Variants in COL6A3 observed in about 807,000 individuals in gnomAD.
COL6A3 encodes the protein collagen alpha-3(VI) chain.
Under a neutral mutation model 274.1 loss-of-function variants are expected in COL6A3, and 137 were observed. That is an observed-to-expected ratio of 0.50 (90% CI 0.44 to 0.58). COL6A3 has a LOEUF of 0.58. Among genes scored for constraint, COL6A3 ranks in the 20% least tolerant of loss-of-function variants. The pLI is 0.00. For missense variants in COL6A3, 3,950 were observed against 4,124.9 expected (o/e 0.96, Z 1.16); for synonymous variants, 1,650 against 1,650.6 (o/e 1.00, Z 0.01).
chr2:237,411,764 C>T (rs890448829), intron 1 of COL6A3, among the ~76,000 whole-genome samples: 20 of 152,206 alleles, frequency 1.3e-4, no homozygotes, highest in Admixed American at 2.0e-4. Context: ...GTGCCTACCT[C>T]GTATCAAAAA....
intron 3 of COL6A3, among the ~76,000 whole-genome samples, chr2:237,392,478 T>C (rs2078316012): frequency 6.6e-6 from 1 of 152,158 alleles, no homozygotes; most frequent in African/African-American, 2.4e-5. Context: ...TGCCCCACCA[T>C]CCATGTGTAT....
intron 8 of COL6A3, among the ~76,000 whole-genome samples, chr2:237,372,861 T>C (rs2077729622): frequency 6.6e-6 from 1 of 152,034 alleles, no homozygotes; most frequent in African/African-American, 2.4e-5. Flanking sequence ...GCAATGCATT[T>C]TATCATGGAT....
At chr2:237,357,058 G>A (rs1300703840) in intron 23 of COL6A3, 2 of 528,778 alleles carry the variant, frequency 3.8e-6, no homozygotes, top group Admixed American at 6.4e-5. Flanking sequence ...ATATTTAGTT[G>A]GATCAAACCT....
At position 237,374,863 on chromosome 2, in the gene COL6A3, G is replaced by A. The variant is rs886042997; in HGVS notation, c.3228C>T (p.Thr1076=). ...ATGAATTCAGGTAGAACTCGGGCCT[G>A]GTCCGGTCGCTGTACTGCACCACGG... ...RVAVVQYSDR[T]RPEFYLNSYM... Residue 1076 remains threonine, a synonymous_variant, in exon 8 of 44, where the codon ACC becomes ACT. Coordinates refer to ENST00000295550, the MANE Select transcript of COL6A3 (RefSeq NM_004369.4). The surrounding 1 kb of genome is among the most constrained non-coding windows in gnomAD (Gnocchi z 4.8). 1.9e-6 allele frequency: 3 copies of A among 1,613,912 alleles called. No homozygotes were observed. Among genetic ancestry groups the A allele is most frequent in the East Asian group, 2.2e-5 (1 of 44,846 alleles).
chr2:237,398,380 C>T (rs2078505987), intron 1 of COL6A3, among the ~76,000 whole-genome samples: 1 of 152,196 alleles, frequency 6.6e-6, no homozygotes, highest in South Asian at 2.1e-4. Flanking sequence ...TCAGACCTTT[C>T]CCCTGCCAAC....
chr2:237,394,561 G>C, intron 3 of COL6A3, 26 bp downstream of exon 3: 2 of 1,613,328 alleles, frequency 1.2e-6, no homozygotes, highest in Non-Finnish European at 1.7e-6. Flanking sequence ...GCAGGGCAGG[G>C]CGTAGCTTGG....
chr2:237,330,498 T>TA (rs200875680), intron 42 of COL6A3, among the ~76,000 whole-genome samples: 1 of 152,142 alleles, frequency 6.6e-6, no homozygotes, highest in East Asian at 1.9e-4. Context: ...TGGTTTTATT[T>TA]AAAAAAATAC....
intron 39 of COL6A3, among the ~76,000 whole-genome samples, chr2:237,337,599 C>T (rs1026957348): frequency 3.3e-5 from 5 of 152,234 alleles, no homozygotes; most frequent in East Asian, 1.9e-4. Context: ...GGATCATTTG[C>T]GTTCACATCT....
chr2:237,336,328 G>C lies in COL6A3; in HGVS notation c.8772C>G (p.Ala2924=). The change falls in exon 40 of 44, where the codon GCC becomes GCG. Residue 2924 remains alanine, a synonymous_variant. Transcript: ENST00000295550. ...PAKPVAAKPV[A]TKMATVRPPV... ...GGGGTCTAACAGTGGCCATCTTTGT[G>C]GCCACAGGCTTGGCAGCCACAGGTT... 2 of 1,613,326 alleles carry C rather than the reference G, an allele frequency of 1.2e-6. No homozygotes were observed.
At position 237,366,887 on chromosome 2, in the gene COL6A3, G is replaced by A; in HGVS notation, c.5300C>T (p.Thr1767Ile). 1 of 1,614,218 alleles carries A rather than the reference G, an allele frequency of 6.2e-7. No homozygotes were observed. ...EDAQDVSLAL[T>I]QRGVKVFAVG... is the part of the protein sequence containing the mutation. ...AGCAAACACTTTGACCCCCCTCTGG[G>A]TGAGGGCCAGGCTCACATCCTGTGC... is the stretch of plus-strand genomic sequence containing the variant. Residue 1767 changes from threonine (T) to isoleucine (I), a missense_variant, in exon 11 of 44, where the codon ACC becomes ATC. Around this residue, in one of 5 missense-constraint regions of COL6A3, gnomAD observed 632 missense variants for 623.4 expected, o/e 1.01. Coordinates refer to ENST00000295550, the MANE Select transcript of COL6A3 (RefSeq NM_004369.4).
chr2:237,399,187 C>G (rs1254542613), intron 1 of COL6A3, among the ~76,000 whole-genome samples: 1 of 152,190 alleles, frequency 6.6e-6, no homozygotes, highest in Non-Finnish European at 1.5e-5. Context: ...ATCAAGTTCA[C>G]CAGCCTGAAT....
At chr2:237,334,582 C>G (rs777321940) in intron 41 of COL6A3, 44 bp downstream of exon 41, 13 of 1,602,546 alleles carry the variant, frequency 8.1e-6, no homozygotes, top group South Asian at 1.1e-5. Flanking sequence ...ATTTGATACT[C>G]TACATAGAAA....
At chr2:237,392,952 T>C (rs2078330082) in intron 3 of COL6A3, among the ~76,000 whole-genome samples, 1 of 152,112 alleles carries the variant, frequency 6.6e-6, no homozygotes, top group Admixed American at 6.5e-5. Context: ...ACCAGCAGCG[T>C]CTCCAACTTG....
intron 27 of COL6A3, 34 bp from the exon 28 acceptor site, chr2:237,350,243 C>T (rs752549184): frequency 1.2e-6 from 2 of 1,610,472 alleles, no homozygotes; most frequent in South Asian, 1.1e-5. Flanking sequence ...GACCCTGTGG[C>T]CTGGGGCTGG....
chr2:237,395,201 A>G lies in COL6A3; in HGVS notation c.95T>C (p.Val32Ala). The G allele has an allele frequency of 6.2e-7, 1 of 1,613,170 alleles. No individual in the cohort carries two copies. The highest frequency in any genetic ancestry group is 8.5e-7 in the Non-Finnish European group (1 of 1,179,980). Residue 32 changes from valine (V) to alanine (A), a missense_variant, in exon 3 of 44, where the codon GTC becomes GCC. Physicochemically the swap from Val to Ala is moderately conservative, Grantham distance 64 (BLOSUM62 0). This residue lies in a region of COL6A3 where 1,934 missense variants were observed against 1,984.3 expected (regional missense o/e 0.97). Transcript: ENST00000295550. ...TTHAQQQQAD[V>A]KNGAAADIIF... Reference sequence around the variant, plus strand: ...TATATCAGCAGCCGCACCATTTTTGACATCTTTAAAAAAAGACATTGGTTT... The same window carrying G: ...TATATCAGCAGCCGCACCATTTTTGGCATCTTTAAAAAAAGACATTGGTTT...
chr2:237,397,301 A>G (rs906819814), intron 1 of COL6A3, among the ~76,000 whole-genome samples: 1 of 145,812 alleles, frequency 6.9e-6, no homozygotes, highest in African/African-American at 2.5e-5. Flanking sequence ...TGAAGGAAGG[A>G]AAGGAAGGGA....
intron 1 of COL6A3, among the ~76,000 whole-genome samples, chr2:237,404,391 C>T (rs940868512): frequency 2.0e-5 from 3 of 152,156 alleles, no homozygotes; most frequent in Non-Finnish European, 4.4e-5. Context: ...AATTTTAATG[C>T]AAATCTTCTG....
At chr2:237,342,460 T>A in intron 36 of COL6A3, 1 of 392,324 alleles carries the variant, frequency 2.5e-6, no homozygotes, top group Non-Finnish European at 4.8e-6. Flanking sequence ...AGGGTTAAAT[T>A]AGATAATAAA....
rs767515793 is a variant in COL6A3, at chr2:237,324,665, A to C, written c.*109T>G. 1 of 998,902 alleles carries C rather than the reference A, an allele frequency of 1.0e-6. No individual in the cohort carries two copies. Among genetic ancestry groups the C allele is most frequent in the Non-Finnish European group, 1.6e-6 (1 of 635,740 alleles). 61.9% of individuals were successfully genotyped at this position (998,902 alleles called of 1,614,324 possible). A position where few individuals can be genotyped will look rare whatever the true frequency, so the allele number is the denominator to read the frequency against. ...CCCGAGTTCGAGTGTAAATCAAAGC[A>C]TGAAATGATACAGTGCAAGGGAATC... On this transcript the variant is annotated 3_prime_UTR_variant, in exon 44 of 44. Transcript: ENST00000295550.
Sources: gnomAD v4.1 joint callset for allele counts (sites outside exome capture counted in the v4.1 genomes callset) on GRCh38, gnomAD v4.1.1 for gene constraint, gnomAD v4.1.1 regional missense constraint, Gnocchi (gnomAD v3.1) non-coding constraint, MANE v1.5 for transcripts, NCBI Gene and HGNC (gene_info 2026-07-23, HGNC 2026-07-21) for gene names.